The following UTRN variants were observed in gnomAD, a reference collection of about 807,000 sequenced individuals.
The protein encoded by UTRN is utrophin.
A neutral mutation model predicts 463.9 loss-of-function variants in UTRN; 283 were observed. The ratio of observed to expected loss-of-function variants is 0.61; its 90% CI spans 0.55 to 0.67. The LOEUF (loss-of-function observed/expected upper bound fraction) is 0.67. UTRN is among the 30% of genes least tolerant of loss of function. The probability of loss-of-function intolerance (pLI) is 0.00; values close to 1 mark genes in which losing one functional copy is unlikely to be tolerated. For missense variants in UTRN, 3,922 were observed against 4,084.3 expected (o/e 0.96, Z 1.08); for synonymous variants, 1,442 against 1,431.5 (o/e 1.01, Z -0.17).
chr6:144,805,724 C>T (rs997879503), intron 65 of UTRN, among the ~76,000 whole-genome samples: 2 of 152,026 alleles, frequency 1.3e-5, no homozygotes, highest in African/African-American at 4.8e-5. Flanking sequence ...TTGTAGGGCC[C>T]TGTACAACTG....
chr6:144,743,145 A>G (rs1276444264), intron 54 of UTRN, among the ~76,000 whole-genome samples: 5 of 152,240 alleles, frequency 3.3e-5, no homozygotes, highest in Admixed American at 3.3e-4. Flanking sequence ...AAGTAATTAT[A>G]TACTGAGGAC....
intron 51 of UTRN, among the ~76,000 whole-genome samples, chr6:144,604,195 C>A (rs1334630886): frequency 3.3e-5 from 5 of 152,158 alleles, no homozygotes; most frequent in Non-Finnish European, 7.4e-5. Flanking sequence ...TCTTACCCAG[C>A]ACATTGCCTA....
intron 51 of UTRN, among the ~76,000 whole-genome samples, chr6:144,581,659 A>T (rs1020553793): frequency 3.9e-5 from 6 of 152,202 alleles, no homozygotes; most frequent in African/African-American, 1.4e-4. Flanking sequence ...GACAGGAATT[A>T]TAGCTTCATA....
Position 144,286,365 on chromosome 6 carries a change from C to G in UTRN, c.-93+544C>G, listed in dbSNP as rs1001791381. ...GCGGAGCGCTTCCCAGCCAGCCGCC[C>G]GGCGGGGAACGTGCTTGACCTCTGG... On this transcript the variant is annotated intron_variant, in intron 1 of 74. Transcript: ENST00000367545. This position sits in a 1 kb window ranked among gnomAD's most constrained non-coding sequence, Gnocchi z 4.4. Among the ~76,000 whole-genome samples, 2 of 152,056 alleles carry G rather than the reference C, an allele frequency of 1.3e-5. No individual in the cohort carries two copies. Among genetic ancestry groups the G allele is most frequent in the African/African-American group, 4.8e-5 (2 of 41,410 alleles).
intron 39 of UTRN, among the ~76,000 whole-genome samples, chr6:144,521,290 C>G (rs1047273459): frequency 1.3e-5 from 2 of 151,488 alleles, no homozygotes; most frequent in South Asian, 2.1e-4. Flanking sequence ...TGTCCTGCAC[C>G]CCCCCAAAAA....
At chr6:144,303,334 C>T (rs556027203) in intron 2 of UTRN, among the ~76,000 whole-genome samples, 1 of 152,244 alleles carries the variant, frequency 6.6e-6, no homozygotes, top group Admixed American at 6.5e-5. Context: ...CTTTGTGGGA[C>T]TTTTTAGTAA....
chr6:144,621,496 C>T (rs770440229), intron 51 of UTRN, among the ~76,000 whole-genome samples: 41 of 152,108 alleles, frequency 2.7e-4, no homozygotes, highest in Admixed American at 5.9e-4. Flanking sequence ...AATGAGTTTA[C>T]GCCCTATCTT....
chr6:144,771,460 C>G (rs1793996507), intron 58 of UTRN, among the ~76,000 whole-genome samples: 1 of 152,048 alleles, frequency 6.6e-6, no homozygotes, highest in African/African-American at 2.4e-5. Flanking sequence ...GTGTCTCACT[C>G]TGTCACCCAG....
chr6:144,533,349 G>T, intron 43 of UTRN, 89 bp downstream of exon 43: 1 of 1,514,848 alleles, frequency 6.6e-7, no homozygotes, highest in South Asian at 1.4e-5. Flanking sequence ...TTCTTTTATT[G>T]TTTGACATTA....
intron 54 of UTRN, among the ~76,000 whole-genome samples, chr6:144,732,816 A>T (rs1273257994): frequency 5.3e-5 from 8 of 152,034 alleles, no homozygotes; most frequent in Non-Finnish European, 1.0e-4. Context: ...GGATCAAGTG[A>T]TCAATCCTCC....
intron 51 of UTRN, among the ~76,000 whole-genome samples, chr6:144,672,617 C>G (rs1781166103): frequency 6.6e-6 from 1 of 152,014 alleles, no homozygotes; most frequent in South Asian, 2.1e-4. Context: ...AAAGAACCAG[C>G]TCTTTGTTTC....
intron 51 of UTRN, among the ~76,000 whole-genome samples, chr6:144,618,868 C>G (rs1250474978): frequency 6.6e-6 from 1 of 152,058 alleles, no homozygotes; most frequent in African/African-American, 2.4e-5. Context: ...GTTTTATTTA[C>G]ATGCAAATAT....
At chr6:144,781,420 T>G (rs1005691364) in intron 60 of UTRN, among the ~76,000 whole-genome samples, 3 of 152,212 alleles carry the variant, frequency 2.0e-5, no homozygotes, top group African/African-American at 7.2e-5. Flanking sequence ...ATGGAGCATC[T>G]TCAGTAAATT....
intron 52 of UTRN, 149 bp from the exon 53 acceptor site, chr6:144,699,938 A>G: frequency 5.8e-6 from 2 of 344,280 alleles, no homozygotes; most frequent in East Asian, 6.0e-5. Flanking sequence ...ATACATATAT[A>G]TATGTATTTA....
intron 50 of UTRN, among the ~76,000 whole-genome samples, chr6:144,562,944 C>T (rs948497956): frequency 6.6e-6 from 1 of 152,182 alleles, no homozygotes; most frequent in Non-Finnish European, 1.5e-5. Context: ...CTGCATTTCT[C>T]TAATGCTCAG....
chr6:144,714,453 T>C (rs1375465972), intron 53 of UTRN, among the ~76,000 whole-genome samples: 1 of 152,216 alleles, frequency 6.6e-6, no homozygotes, highest in Non-Finnish European at 1.5e-5. Flanking sequence ...TTGTTATAAT[T>C]CAGCTACCCT....
intron 2 of UTRN, among the ~76,000 whole-genome samples, chr6:144,320,370 A>ACTAT (rs1271871727): frequency 6.6e-6 from 1 of 152,048 alleles, no homozygotes; most frequent in Non-Finnish European, 1.5e-5. Context: ...ATTGCCTCTG[A>ACTAT]CTATCTCCAG....
intron 50 of UTRN, among the ~76,000 whole-genome samples, chr6:144,572,240 G>A (rs1039823587): frequency 2.6e-5 from 4 of 151,710 alleles, no homozygotes; most frequent in South Asian, 2.1e-4. Context: ...CTTCTTCCTG[G>A]GCTGGATCTC....
intron 44 of UTRN, 132 bp downstream of exon 44, chr6:144,537,849 G>A: frequency 7.8e-7 from 1 of 1,277,946 alleles, no homozygotes; most frequent in Non-Finnish European, 1.1e-6. Flanking sequence ...GAACCTGAAA[G>A]AGGAATATCT....
Sources: gnomAD v4.1 joint callset for allele counts (sites outside exome capture counted in the v4.1 genomes callset) on GRCh38, gnomAD v4.1.1 for gene constraint, Gnocchi (gnomAD v3.1) non-coding constraint, MANE v1.5 for transcripts, NCBI Gene and HGNC (gene_info 2026-07-23, HGNC 2026-07-21) for gene names.